CSMD1: variants seen among roughly 807,000 people sequenced by gnomAD.
CSMD1 encodes the protein CUB and Sushi multiple domains 1.
CSMD1 carries 213 observed loss-of-function variants against 417.5 expected under a neutral mutation model. The ratio of observed to expected loss-of-function variants is 0.51; its 90% CI spans 0.46 to 0.57. CSMD1 has a LOEUF of 0.57. CSMD1 is among the 20% of genes least tolerant of loss of function. CSMD1 has a pLI of 0.00. For missense variants in CSMD1, 6,923 were observed against 4,529.7 expected (o/e 1.53, Z -15.17); for synonymous variants, 2,862 against 1,736.8 (o/e 1.65, Z -16.11).
intron 23 of CSMD1, among the ~76,000 whole-genome samples, chr8:3,320,005 G>C (rs1378131614): frequency 6.6e-6 from 1 of 152,074 alleles, no homozygotes; most frequent in Non-Finnish European, 1.5e-5. Context: ...CAAGTGAATA[G>C]ACCGGGCCCC....
chr8:3,011,738 G>T (rs541554598), intron 52 of CSMD1, among the ~76,000 whole-genome samples: 3 of 152,184 alleles, frequency 2.0e-5, no homozygotes, highest in Admixed American at 1.3e-4. Flanking sequence ...GAGAGGATGG[G>T]TTCTTATGTG....
intron 21 of CSMD1, among the ~76,000 whole-genome samples, chr8:3,351,505 G>A (rs574878457): frequency 1.5e-4 from 22 of 151,420 alleles, no homozygotes; most frequent in Non-Finnish European, 2.4e-4. Context: ...CAGCTACTTC[G>A]GAGGCTGCTT....
intron 52 of CSMD1, among the ~76,000 whole-genome samples, chr8:3,002,372 C>T (rs1053917491): frequency 1.7e-4 from 26 of 152,102 alleles, no homozygotes; most frequent in East Asian, 1.9e-4. Flanking sequence ...GACAGGGAGA[C>T]GAGGACTGGT....
intron 26 of CSMD1, among the ~76,000 whole-genome samples, chr8:3,239,606 G>T (rs1224955667): frequency 1.3e-5 from 2 of 152,338 alleles, no homozygotes; most frequent in East Asian, 3.9e-4. Context: ...TAGTAGAATA[G>T]CAGATGGAAT....
At chr8:4,264,235 G>T (rs192213762) in intron 3 of CSMD1, among the ~76,000 whole-genome samples, 1 of 152,080 alleles carries the variant, frequency 6.6e-6, no homozygotes, top group African/African-American at 2.4e-5. Flanking sequence ...GAATTTCCTC[G>T]TCTTAGGAAT....
At chr8:3,431,083 C>G (rs551911685) in intron 12 of CSMD1, among the ~76,000 whole-genome samples, 2 of 152,118 alleles carry the variant, frequency 1.3e-5, no homozygotes, top group African/African-American at 2.4e-5. Flanking sequence ...GGCTTCCAGA[C>G]TTTCTGTTCT....
chr8:4,070,549 G>T (rs897515248), intron 3 of CSMD1, among the ~76,000 whole-genome samples: 2 of 151,990 alleles, frequency 1.3e-5, no homozygotes, highest in Non-Finnish European at 2.9e-5. Context: ...AGTAGAGACG[G>T]GGTTTCACCG....
At chr8:4,684,924 T>C (rs1212655645) in intron 1 of CSMD1, among the ~76,000 whole-genome samples, 2 of 152,190 alleles carry the variant, frequency 1.3e-5, no homozygotes, top group East Asian at 1.9e-4. Context: ...ACTAATAATC[T>C]TGCCTTTTAC....
chr8:4,099,206 GCA>G (rs142311935), intron 3 of CSMD1, among the ~76,000 whole-genome samples: 31,395 of 148,392 alleles, frequency 0.21, 3,962 homozygotes, highest in African/African-American at 0.35. Context: ...ACACACACAC[GCA>G]CACACACACA....
At chr8:4,175,415 T>C (rs540492337) in intron 3 of CSMD1, among the ~76,000 whole-genome samples, 2 of 152,254 alleles carry the variant, frequency 1.3e-5, no homozygotes, top group African/African-American at 2.4e-5. Context: ...CTTTTATTGT[T>C]CAACGGAATA....
chr8:3,731,903 A>G (rs910373457), intron 6 of CSMD1, among the ~76,000 whole-genome samples: 12 of 152,172 alleles, frequency 7.9e-5, no homozygotes, highest in African/African-American at 2.9e-4. Flanking sequence ...GAATAATGTG[A>G]CCTTAGTGGT....
At chr8:4,580,757 G>T (rs17070658) in intron 2 of CSMD1, among the ~76,000 whole-genome samples, 26,002 of 152,164 alleles carry the variant, frequency 0.17, 2,259 homozygotes, top group East Asian at 0.28. Flanking sequence ...CTCCCTTTGA[G>T]GTTCTCCTAA....
intron 18 of CSMD1, among the ~76,000 whole-genome samples, chr8:3,387,129 G>C (rs1811050537): frequency 6.7e-6 from 1 of 149,830 alleles, no homozygotes; most frequent in African/African-American, 2.6e-5. Context: ...GAGGAAGTGA[G>C]ACACTGGGAC....
At chr8:4,626,957 G>A (rs941481009) in intron 2 of CSMD1, among the ~76,000 whole-genome samples, 1 of 152,100 alleles carries the variant, frequency 6.6e-6, no homozygotes, top group Non-Finnish European at 1.5e-5. Context: ...TCTGCAAAGG[G>A]ATACGTAAGT....
intron 1 of CSMD1, among the ~76,000 whole-genome samples, chr8:4,909,199 G>A (rs1178523380): frequency 6.6e-6 from 1 of 152,156 alleles, no homozygotes; most frequent in East Asian, 1.9e-4. Context: ...AATGCAGGAG[G>A]CCTGTTGCTG....
chr8:3,234,753 C>T lies in CSMD1; in HGVS notation c.4154-4522G>A, dbSNP rs182476377. 2.2e-3 allele frequency among the ~76,000 whole-genome samples: 342 copies of T among 152,292 alleles called. 2 individuals carry two copies. The highest frequency in any genetic ancestry group is 7.9e-3 in the African/African-American group (330 of 41,566). On this transcript the variant is annotated intron_variant, in intron 26 of 69. Transcript: ENST00000635120. The stretch of plus-strand genomic sequence containing the variant: ...ACCCATAAGCCACACATTTTTCTAA[C>T]GTAGAACACTAATCATAGAATACAA...
At chr8:3,926,040 C>CACACAA (rs1554488555) in intron 5 of CSMD1, among the ~76,000 whole-genome samples, 1 of 103,036 alleles carries the variant, frequency 9.7e-6, no homozygotes, top group Admixed American at 1.1e-4. Context: ...CACACACACA[C>CACACAA]ACAAACACCA....
At chr8:3,610,626 G>C (rs1198676762) in intron 8 of CSMD1, among the ~76,000 whole-genome samples, 2 of 152,144 alleles carry the variant, frequency 1.3e-5, no homozygotes, top group African/African-American at 2.4e-5. Flanking sequence ...TACCAGTATA[G>C]ATGACATTCA....
intron 2 of CSMD1, among the ~76,000 whole-genome samples, chr8:4,613,147 C>G (rs1019340015): frequency 1.3e-5 from 2 of 152,162 alleles, no homozygotes; most frequent in East Asian, 3.9e-4. Flanking sequence ...GCTGATTGCT[C>G]TTCCCATAAG....
Sources: allele counts gnomAD v4.1 joint callset (sites outside exome capture counted in the v4.1 genomes callset), GRCh38; gene constraint gnomAD v4.1.1; transcripts MANE v1.5; gene names NCBI Gene and HGNC (gene_info 2026-07-23, HGNC 2026-07-21).